The following NCAM2 variants were observed in gnomAD, a reference collection of about 807,000 sequenced individuals.
NCAM2 encodes N-CAM-2.
A neutral mutation model predicts 98.1 loss-of-function variants in NCAM2; 30 were observed. The observed-to-expected ratio is 0.31, with a 90% CI of 0.23 to 0.41. The LOEUF is 0.41. Ranked by LOEUF, NCAM2 falls within the 10% of genes least tolerant of loss-of-function variation. The probability of loss-of-function intolerance (pLI) is 1.00; values close to 1 mark genes in which losing one functional copy is unlikely to be tolerated. For missense variants in NCAM2, 867 were observed against 1,005.8 expected (o/e 0.86, Z 1.87); for synonymous variants, 368 against 342.4 (o/e 1.07, Z -0.83).
intron 1 of NCAM2, among the ~76,000 whole-genome samples, chr21:21,234,453 G>T (rs2070742988): frequency 6.6e-6 from 1 of 151,764 alleles, no homozygotes; most frequent in Non-Finnish European, 1.5e-5. Context: ...TTAATTAAAT[G>T]GAAATATGCA....
At chr21:21,410,537 C>G in intron 10 of NCAM2, 76 bp downstream of exon 10, 1 of 756,558 alleles carries the variant, frequency 1.3e-6, no homozygotes, top group Middle Eastern at 4.2e-4. Flanking sequence ...ATTTAAATAT[C>G]TTCATATGCA....
At chr21:21,118,349 A>G (rs1203873410) in intron 1 of NCAM2, among the ~76,000 whole-genome samples, 1 of 152,148 alleles carries the variant, frequency 6.6e-6, no homozygotes, top group Non-Finnish European at 1.5e-5. Flanking sequence ...GCAGGCTATG[A>G]TTAAATCTCA....
chr21:21,520,654 C>A (rs1397926803), intron 16 of NCAM2, among the ~76,000 whole-genome samples: 5 of 152,078 alleles, frequency 3.3e-5, no homozygotes, highest in African/African-American at 1.2e-4. Flanking sequence ...AAACTGAAAT[C>A]AACAATTCTT....
intron 1 of NCAM2, among the ~76,000 whole-genome samples, chr21:21,025,146 T>C (rs1463420051): frequency 6.6e-6 from 1 of 151,718 alleles, no homozygotes. Flanking sequence ...AGTGCAGTGG[T>C]GCAATCTCGG....
chr21:21,207,391 A>G lies in NCAM2; in HGVS notation c.56-73187A>G, dbSNP rs572268706. Among the ~76,000 whole-genome samples, 12 of 152,238 alleles carry G rather than the reference A, an allele frequency of 7.9e-5. No individual in the cohort carries two copies. The South Asian group carries it at 2.5e-3, about 32-fold the overall frequency. On this transcript the variant is annotated intron_variant, in intron 1 of 17. Transcript: ENST00000400546. ...TTTTCCTGTGATCTACCACTAGGGC[A>G]GGTGTTGAGAGATGGAACTTGAATA... is the stretch of plus-strand genomic sequence containing the variant.
intron 12 of NCAM2, among the ~76,000 whole-genome samples, chr21:21,458,078 C>T (rs557076856): frequency 6.6e-6 from 1 of 152,284 alleles, no homozygotes; most frequent in South Asian, 2.1e-4. Context: ...GTTCAGGTGC[C>T]TAGGAGACAG....
intron 12 of NCAM2, among the ~76,000 whole-genome samples, chr21:21,434,368 G>T (rs993717715): frequency 2.6e-5 from 4 of 152,112 alleles, no homozygotes; most frequent in Non-Finnish European, 5.9e-5. Context: ...AAAAGCTTGC[G>T]AATGAGAATA....
At chr21:21,081,672 G>A (rs190865870) in intron 1 of NCAM2, among the ~76,000 whole-genome samples, 35 of 151,760 alleles carry the variant, frequency 2.3e-4, no homozygotes, top group Admixed American at 1.4e-3. Context: ...GTGGCGGTGC[G>A]TGCCTGTAAT....
chr21:21,522,033 A>G (rs983053118), intron 16 of NCAM2, among the ~76,000 whole-genome samples: 1 of 148,456 alleles, frequency 6.7e-6, no homozygotes, highest in Non-Finnish European at 1.5e-5. Flanking sequence ...ATATAAATAT[A>G]TTATTCATAT....
chr21:21,143,648 AT>A, intron 1 of NCAM2, among the ~76,000 whole-genome samples: 1 of 152,058 alleles, frequency 6.6e-6, no homozygotes, highest in East Asian at 1.9e-4. Context: ...GTATCTTTTT[AT>A]TTAAGTATTT....
intron 1 of NCAM2, among the ~76,000 whole-genome samples, chr21:21,224,251 G>GA (rs1441970917): frequency 2.0e-5 from 3 of 152,110 alleles, no homozygotes; most frequent in Non-Finnish European, 4.4e-5. Context: ...CTCCAAAAAA[G>GA]AAAAGCAATT....
intron 1 of NCAM2, among the ~76,000 whole-genome samples, chr21:21,078,575 T>C (rs2065728197): frequency 6.6e-6 from 1 of 152,220 alleles, no homozygotes; most frequent in Non-Finnish European, 1.5e-5. Context: ...GGAACGCTTT[T>C]ACACTGTTGG....
At chr21:21,029,613 A>AT (rs549442394) in intron 1 of NCAM2, among the ~76,000 whole-genome samples, 1 of 151,884 alleles carries the variant, frequency 6.6e-6, no homozygotes, top group African/African-American at 2.4e-5. Flanking sequence ...CATTATATTT[A>AT]TTTTTTTATT....
chr21:21,370,949 A>C (rs1188542296), intron 8 of NCAM2, among the ~76,000 whole-genome samples: 1 of 151,854 alleles, frequency 6.6e-6, no homozygotes, highest in Non-Finnish European at 1.5e-5. Flanking sequence ...TTTATTATCA[A>C]AGAAAAGAGA....
chr21:21,002,009 C>A (rs1238714415), intron 1 of NCAM2, among the ~76,000 whole-genome samples: 1 of 152,128 alleles, frequency 6.6e-6, no homozygotes, highest in Admixed American at 6.6e-5. Context: ...ATGGCTCCAG[C>A]CTCTCTCGTA....
intron 3 of NCAM2, among the ~76,000 whole-genome samples, chr21:21,285,402 T>C (rs2073065036): frequency 6.6e-6 from 1 of 151,918 alleles, no homozygotes; most frequent in Non-Finnish European, 1.5e-5. Flanking sequence ...TTGTGTTTCC[T>C]GATTTGGAAT....
intron 5 of NCAM2, among the ~76,000 whole-genome samples, chr21:21,315,191 G>A (rs558253201): frequency 1.3e-5 from 2 of 152,218 alleles, no homozygotes; most frequent in East Asian, 3.9e-4. Context: ...GATCTGTCCT[G>A]CATGTGTACC....
chr21:21,398,502 G>A (rs1409928930), intron 9 of NCAM2, among the ~76,000 whole-genome samples: 1 of 152,200 alleles, frequency 6.6e-6, no homozygotes, highest in Non-Finnish European at 1.5e-5. Context: ...AAGAGTTCGG[G>A]ATGATTAAGG....
At chr21:21,162,233 C>G (rs1002619023) in intron 1 of NCAM2, among the ~76,000 whole-genome samples, 1 of 152,048 alleles carries the variant, frequency 6.6e-6, no homozygotes, top group Non-Finnish European at 1.5e-5. Context: ...ATCTGTAACA[C>G]ACTTGAAGTG....
Sources: allele counts gnomAD v4.1 joint callset (sites outside exome capture counted in the v4.1 genomes callset), GRCh38; gene constraint gnomAD v4.1.1; transcripts MANE v1.5; gene names NCBI Gene and HGNC (gene_info 2026-07-23, HGNC 2026-07-21).